The following POLR3B variants were observed in gnomAD, a reference collection of about 807,000 sequenced individuals.
POLR3B encodes the protein DNA-directed RNA polymerase III subunit RPC2.
Under a neutral mutation model 147.4 loss-of-function variants are expected in POLR3B, and 96 were observed. That is an observed-to-expected ratio of 0.65 (90% confidence interval 0.55 to 0.77). POLR3B has a LOEUF of 0.77. POLR3B is among the 30% of genes least tolerant of loss of function. The pLI, the probability that POLR3B is intolerant of heterozygous loss-of-function variation, is 0.00. For synonymous variants in POLR3B, 461 were observed against 485.9 expected (o/e 0.95, Z 0.67); for missense variants, 1,036 against 1,413.5 (o/e 0.73, Z 4.28).
intron 12 of POLR3B, among the ~76,000 whole-genome samples, chr12:106,421,104 G>A (rs945083116): frequency 6.6e-5 from 10 of 151,474 alleles, no homozygotes; most frequent in African/African-American, 2.2e-4. Flanking sequence ...CTATATTGTT[G>A]CATGTTACTG....
In POLR3B at chr12:106,496,807, T is replaced by G. The variant is rs368515122; in HGVS notation, c.2873T>G (p.Phe958Cys). The change falls in exon 25 of 28, where the codon TTC becomes TGC. Residue 958 changes from phenylalanine to cysteine, a missense_variant. Phe to Cys is a radical substitution (Grantham distance 205). Transcript: ENST00000228347. ...AAGGCCGGTGTGCTGGACGGCAGAT[T>G]CCACTACGGCACTGCGTTTGGAGGC... ...AGKAGVLDGR[F>C]HYGTAFGGSK... 3.1e-6 allele frequency: 5 copies of G among 1,614,022 alleles called. No homozygotes were observed. Among genetic ancestry groups the G allele is most frequent in the Non-Finnish European group, 4.2e-6 (5 of 1,180,010 alleles).
At chr12:106,483,861 C>T (rs2038303373) in intron 23 of POLR3B, among the ~76,000 whole-genome samples, 1 of 152,198 alleles carries the variant, frequency 6.6e-6, no homozygotes, top group Admixed American at 6.5e-5. Context: ...TCATCACAGC[C>T]ATCCTCTGTT....
intron 1 of POLR3B, 36 bp from the exon 2 acceptor site, chr12:106,363,834 A>T: frequency 6.5e-7 from 1 of 1,547,018 alleles, no homozygotes; most frequent in Non-Finnish European, 8.9e-7. Flanking sequence ...TGTTGCTGGT[A>T]CAGAGTTCTG....
intron 17 of POLR3B, 43 bp from the exon 18 acceptor site, chr12:106,437,638 A>G: frequency 8.7e-7 from 1 of 1,151,382 alleles, no homozygotes; most frequent in South Asian, 1.2e-5. Flanking sequence ...ATACTGCAGA[A>G]AAATGCTTTT....
At chr12:106,372,338 T>G (rs2713727) in intron 6 of POLR3B, among the ~76,000 whole-genome samples, 9,813 of 35,202 alleles carry the variant, frequency 0.28, 468 homozygotes, top group Non-Finnish European at 0.32. Flanking sequence ...TGTGTGTTTT[T>G]TTTTTTTTTT....
intron 10 of POLR3B, among the ~76,000 whole-genome samples, chr12:106,405,308 A>C (rs941227245): frequency 6.6e-6 from 1 of 152,234 alleles, no homozygotes; most frequent in African/African-American, 2.4e-5. Flanking sequence ...TGTATTGGTC[A>C]GTTTGGAGAG....
chr12:106,369,544 AG>A lies in POLR3B; in HGVS notation c.304-38del, dbSNP rs1399746715. The A allele has an allele frequency of 2.2e-6, 3 of 1,343,748 alleles. No homozygotes were observed. In the African/African-American group the frequency reaches 4.3e-5, roughly 19 times the overall value. 83.2% of individuals were successfully genotyped at this position (1,343,748 alleles called of 1,614,324 possible). A position where few individuals can be genotyped will look rare whatever the true frequency, so the allele number is the denominator to read the frequency against. ...TGAAGTGGTCAGGACCCTGTTGCAG[AG>A]AGGAGCAGTAACTGTCAGATTCCTG... On this transcript the variant is annotated intron_variant, in intron 5 of 27. Transcript: ENST00000228347.
chr12:106,454,694 AG>A lies in POLR3B; in HGVS notation c.2278del (p.Ala760ProfsTer3). The A allele has an allele frequency of 6.2e-7, 1 of 1,601,324 alleles. No individual in the cohort carries two copies. The highest frequency in any genetic ancestry group is 8.6e-7 in the Non-Finnish European group (1 of 1,168,532). On this transcript the variant is annotated frameshift_variant, in exon 20 of 28. Transcript: ENST00000228347. LOFTEE classifies it high-confidence loss of function. ...ATTGAAGATGCTCTTGTTTTAAACAAGGCCTCTTTAGACAGAGGTAAGTGAA... is the reference window on the plus strand; with the variant it reads ...ATTGAAGATGCTCTTGTTTTAAACAAGCCTCTTTAGACAGAGGTAAGTGAA... ...YDIEDALVLN[K>X]ASLDRGFGRC...
At chr12:106,393,727 G>T (rs1440473630) in intron 10 of POLR3B, among the ~76,000 whole-genome samples, 1 of 148,170 alleles carries the variant, frequency 6.7e-6, no homozygotes, top group African/African-American at 2.5e-5. Flanking sequence ...GTTGGACCCT[G>T]GGAATTTTAG....
intron 12 of POLR3B, among the ~76,000 whole-genome samples, chr12:106,411,673 A>G (rs1328793513): frequency 6.6e-6 from 1 of 152,190 alleles, no homozygotes; most frequent in Non-Finnish European, 1.5e-5. Context: ...AGTGGAAGGG[A>G]GAGAGACAAT....
intron 13 of POLR3B, among the ~76,000 whole-genome samples, chr12:106,427,592 G>A (rs2037456105): frequency 6.6e-6 from 1 of 152,096 alleles, no homozygotes. Flanking sequence ...CTCTTATATA[G>A]AGGAAAAATC....
intron 19 of POLR3B, among the ~76,000 whole-genome samples, chr12:106,450,342 A>T (rs2037779344): frequency 6.6e-6 from 1 of 152,220 alleles, no homozygotes; most frequent in Non-Finnish European, 1.5e-5. Context: ...TTACATAAAG[A>T]GTACAAAGTA....
intron 10 of POLR3B, among the ~76,000 whole-genome samples, chr12:106,403,836 G>A (rs539775712): frequency 3.3e-5 from 5 of 149,980 alleles, no homozygotes; most frequent in African/African-American, 1.2e-4. Context: ...GGGAGGGATA[G>A]CATTGGGAGG....
At chr12:106,488,776 A>G (rs1260733692) in intron 23 of POLR3B, among the ~76,000 whole-genome samples, 2 of 152,182 alleles carry the variant, frequency 1.3e-5, no homozygotes, top group East Asian at 3.9e-4. Flanking sequence ...GAACTCATCA[A>G]GGGCAAATAT....
intron 10 of POLR3B, 71 bp from the exon 11 acceptor site, chr12:106,405,786 A>G (rs1213204575): frequency 6.9e-7 from 1 of 1,457,788 alleles, no homozygotes; most frequent in South Asian, 1.1e-5. Flanking sequence ...CATACTGTAC[A>G]TGTGGTTAGG....
At chr12:106,434,048 T>G (rs2037544503) in intron 16 of POLR3B, among the ~76,000 whole-genome samples, 176 bp downstream of exon 16, 1 of 152,154 alleles carries the variant, frequency 6.6e-6, no homozygotes, top group Admixed American at 6.6e-5. Flanking sequence ...GGATTCAGAT[T>G]AATGGGAGAC....
At chr12:106,413,515 C>CAT (rs1177695016) in intron 12 of POLR3B, among the ~76,000 whole-genome samples, 2 of 152,016 alleles carry the variant, frequency 1.3e-5, no homozygotes, top group Admixed American at 6.6e-5. Context: ...TGATGTATAC[C>CAT]GTACCTTGAA....
chr12:106,469,908 G>A (rs905987825), intron 23 of POLR3B, among the ~76,000 whole-genome samples: 5 of 152,182 alleles, frequency 3.3e-5, no homozygotes, highest in African/African-American at 1.2e-4. Flanking sequence ...CAACCTTGGT[G>A]AATCTGACAA....
chr12:106,480,531 C>T (rs575342865), intron 23 of POLR3B, among the ~76,000 whole-genome samples: 7 of 152,204 alleles, frequency 4.6e-5, no homozygotes, highest in East Asian at 3.9e-4. Context: ...GACTTTAATT[C>T]CTCTGTATCA....
Sources: gnomAD v4.1 joint callset for allele counts (sites outside exome capture counted in the v4.1 genomes callset) on GRCh38, gnomAD v4.1.1 for gene constraint, MANE v1.5 for transcripts, NCBI Gene and HGNC (gene_info 2026-07-23, HGNC 2026-07-21) for gene names.